KLHDC1: variants seen among roughly 807,000 people sequenced by gnomAD.
KLHDC1 encodes the protein kelch domain-containing protein 1.
A neutral mutation model predicts 68.3 loss-of-function variants in KLHDC1; 53 were observed. That is an observed-to-expected ratio of 0.78 (90% CI 0.62 to 0.98). The LOEUF is 0.98. KLHDC1 is among the 50% of genes least tolerant of loss of function. KLHDC1 has a pLI of 0.00. For missense variants in KLHDC1, 470 were observed against 492.3 expected (o/e 0.95, Z 0.43); for synonymous variants, 148 against 159.0 (o/e 0.93, Z 0.52).
intron 9 of KLHDC1, among the ~76,000 whole-genome samples, chr14:49,733,652 A>C (rs912425388): frequency 3.3e-5 from 5 of 151,332 alleles, no homozygotes; most frequent in African/African-American, 1.2e-4. Context: ...CGAATTCCTG[A>C]CCTCGTGATC....
intron 4 of KLHDC1, among the ~76,000 whole-genome samples, chr14:49,711,017 T>A (rs895348603): frequency 6.8e-5 from 1 of 14,740 alleles, no homozygotes; most frequent in Non-Finnish European, 7.1e-4. Context: ...TTTTTGGAAA[T>A]GGAGTCTCAC....
intron 12 of KLHDC1, among the ~76,000 whole-genome samples, chr14:49,744,948 A>G (rs1488142973): frequency 6.6e-6 from 1 of 152,096 alleles, no homozygotes; most frequent in African/African-American, 2.4e-5. Context: ...ATACATTCTT[A>G]CTCTAAAAGG....
At chr14:49,693,429 G>A in intron 1 of KLHDC1, 139 bp downstream of exon 1, 2 of 446,698 alleles carry the variant, frequency 4.5e-6, no homozygotes, top group Non-Finnish European at 7.4e-6. Context: ...CAGCCCCTCC[G>A]CTGGCCGCCG....
intron 12 of KLHDC1, among the ~76,000 whole-genome samples, chr14:49,744,205 G>A (rs1180471087): frequency 6.6e-6 from 1 of 151,980 alleles, no homozygotes; most frequent in Non-Finnish European, 1.5e-5. Context: ...GTGGGAGGAT[G>A]GCTTGAGTGC....
At chr14:49,746,951 T>TC (rs1491400998) in intron 12 of KLHDC1, among the ~76,000 whole-genome samples, 1 of 134,196 alleles carries the variant, frequency 7.5e-6, no homozygotes, top group Non-Finnish European at 1.6e-5. Context: ...GCTTTCTCTC[T>TC]TTTTTTTTTT....
intron 1 of KLHDC1, among the ~76,000 whole-genome samples, chr14:49,694,224 CAG>C (rs1248179752): frequency 6.6e-6 from 1 of 152,062 alleles, no homozygotes; most frequent in African/African-American, 2.4e-5. Context: ...TCCATAATCA[CAG>C]AATTATAGAA....
intron 11 of KLHDC1, among the ~76,000 whole-genome samples, chr14:49,743,509 T>C (rs1218565907): frequency 6.6e-6 from 1 of 152,024 alleles, no homozygotes; most frequent in Non-Finnish European, 1.5e-5. Flanking sequence ...GGCTATTGGT[T>C]AGGTTAAAAT....
intron 12 of KLHDC1, among the ~76,000 whole-genome samples, chr14:49,744,523 T>C (rs1172230542): frequency 6.6e-6 from 1 of 152,074 alleles, no homozygotes; most frequent in African/African-American, 2.4e-5. Context: ...GGGGATCGGT[T>C]CCAGGAAAAC....
chr14:49,705,411 C>T (rs1888025065), intron 1 of KLHDC1, among the ~76,000 whole-genome samples: 1 of 107,670 alleles, frequency 9.3e-6, no homozygotes, highest in Non-Finnish European at 1.7e-5. Flanking sequence ...CTCTGTCACC[C>T]AGGCTGGAGT....
At chr14:49,726,872 C>G (rs1011716791) in intron 6 of KLHDC1, among the ~76,000 whole-genome samples, 1 of 152,222 alleles carries the variant, frequency 6.6e-6, no homozygotes, top group Non-Finnish European at 1.5e-5. Flanking sequence ...GGCAGACACA[C>G]TGGCTCATTT....
intron 12 of KLHDC1, among the ~76,000 whole-genome samples, chr14:49,746,674 C>T (rs1250030206): frequency 1.3e-5 from 2 of 152,230 alleles, no homozygotes; most frequent in African/African-American, 4.8e-5. Context: ...TTGCCATCTA[C>T]TAACCTCCAG....
At chr14:49,709,638 C>T in intron 2 of KLHDC1, 71 bp from the exon 3 acceptor site, 4 of 745,546 alleles carry the variant, frequency 5.4e-6, no homozygotes, top group Non-Finnish European at 8.7e-6. Context: ...CAAAAGTACT[C>T]ATGGAGTTTA....
At chr14:49,707,331 A>T (rs1159425480) in intron 1 of KLHDC1, among the ~76,000 whole-genome samples, 2 of 147,290 alleles carry the variant, frequency 1.4e-5, no homozygotes, top group Non-Finnish European at 3.0e-5. Context: ...ATGGTAGACA[A>T]GATATTCTTT....
intron 1 of KLHDC1, among the ~76,000 whole-genome samples, chr14:49,696,067 GAAA>G (rs879851434): frequency 3.5e-5 from 4 of 113,642 alleles, no homozygotes; most frequent in East Asian, 2.8e-4. Context: ...CTCTGTCTCA[GAAA>G]AAAAAAAAAA....
In KLHDC1 at chr14:49,738,328, T is replaced by G. The variant is rs1466456585; in HGVS notation, c.897-1770T>G. The stretch of plus-strand genomic sequence containing the variant: ...TGTTTTTTTCATGTTCTCTTTTGTT[T>G]GGTTGGTTTTTTTGTTTTTTTTTTT... On this transcript the variant is annotated intron_variant, in intron 10 of 12. Transcript: ENST00000359332. 4.6e-5 allele frequency among the ~76,000 whole-genome samples: 7 copies of G among 151,666 alleles called. No individual in the cohort carries two copies. In the South Asian group the frequency reaches 1.2e-3, roughly 27 times the overall value.
chr14:49,749,736 A>C (rs550042286), intron 12 of KLHDC1, among the ~76,000 whole-genome samples: 1 of 151,922 alleles, frequency 6.6e-6, no homozygotes, highest in East Asian at 1.9e-4. Context: ...TATTTAGGAT[A>C]TCTGCAATTT....
intron 12 of KLHDC1, among the ~76,000 whole-genome samples, chr14:49,744,354 T>A (rs1889142536): frequency 6.6e-6 from 1 of 152,170 alleles, no homozygotes; most frequent in East Asian, 1.9e-4. Context: ...GTCACTGTTT[T>A]GTTTGTAAAA....
At chr14:49,707,013 T>C (rs1888066415) in intron 1 of KLHDC1, among the ~76,000 whole-genome samples, 1 of 152,198 alleles carries the variant, frequency 6.6e-6, no homozygotes, top group African/African-American at 2.4e-5. Context: ...CCATTTTTGC[T>C]TTGGTGGCCT....
In KLHDC1 at chr14:49,700,662, T is replaced by A. The variant is rs1053549576; in HGVS notation, c.96+7372T>A. 4.6e-5 allele frequency among the ~76,000 whole-genome samples: 7 copies of A among 152,170 alleles called. No individual in the cohort carries two copies. The East Asian group carries it at 1.2e-3, about 25-fold the overall frequency. On this transcript the variant is annotated intron_variant, in intron 1 of 12. Coordinates refer to ENST00000359332, the MANE Select transcript of KLHDC1 (RefSeq NM_172193.3). Reference sequence around the variant, plus strand: ...TGGATTTAAAGGGAAGAAGGATCAATTTAGAAAATGTTTGAAAAGAATGAA... The same window carrying A: ...TGGATTTAAAGGGAAGAAGGATCAAATTAGAAAATGTTTGAAAAGAATGAA...
Sources: gnomAD v4.1 joint callset for allele counts (sites outside exome capture counted in the v4.1 genomes callset) on GRCh38, gnomAD v4.1.1 for gene constraint, MANE v1.5 for transcripts, NCBI Gene and HGNC (gene_info 2026-07-23, HGNC 2026-07-21) for gene names.